The following RAE1 variants were observed in gnomAD, a reference collection of about 807,000 sequenced individuals.
RAE1 encodes mRNA export factor RAE1.
In RAE1, 13 loss-of-function variants were observed where a neutral mutation model predicts 52.7. The observed-to-expected ratio is 0.25, with a 90% confidence interval of 0.16 to 0.39. The LOEUF (loss-of-function observed/expected upper bound fraction) is 0.39, where lower values mean the gene tolerates loss of function less well. Ranked by LOEUF, RAE1 falls within the 10% of genes least tolerant of loss-of-function variation. The pLI, the probability that RAE1 is intolerant of heterozygous loss-of-function variation, is 1.00. For missense variants in RAE1, 262 were observed against 459.8 expected (o/e 0.57, Z 3.93); for synonymous variants, 164 against 153.1 (o/e 1.07, Z -0.52).
chr20:57,366,343 T>C (rs911384508), intron 5 of RAE1, among the ~76,000 whole-genome samples: 1 of 152,184 alleles, frequency 6.6e-6, no homozygotes, highest in African/African-American at 2.4e-5. Context: ...AAAAGAAATT[T>C]AGTTTGCTCA....
chr20:57,351,339 C>A lies in RAE1; in HGVS notation c.-91C>A, dbSNP rs1169429719. ...GATTTCTGTCCGCGCTCCTGGCCCT[C>A]GTCCTTCGCGCCAGAGCAGGTTCGC... On this transcript the variant is annotated 5_prime_UTR_variant, in exon 1 of 12. Coordinates refer to ENST00000395841, the MANE Select transcript of RAE1 (RefSeq NM_003610.4). 2.0e-6 allele frequency: 2 copies of A among 985,312 alleles called. No homozygotes were observed. Among genetic ancestry groups the A allele is most frequent in the African/African-American group, 1.7e-5 (1 of 57,224 alleles). The allele number at this position is 985,312 out of a possible 1,614,324, so 61.0% of individuals were successfully genotyped here.
chr20:57,354,169 G>A, intron 2 of RAE1, 41 bp downstream of exon 2: 11 of 1,569,382 alleles, frequency 7.0e-6, no homozygotes, highest in Non-Finnish European at 7.9e-6. Flanking sequence ...GAAGAGTTTG[G>A]GCAGAGTTTC....
intron 8 of RAE1, chr20:57,371,002 A>G (rs2067028066): frequency 6.6e-6 from 1 of 152,094 alleles, no homozygotes; most frequent in African/African-American, 2.4e-5. Flanking sequence ...CCTGATTGGA[A>G]CTTTCCCTCT....
intron 8 of RAE1, among the ~76,000 whole-genome samples, chr20:57,370,447 G>A (rs1294214967): frequency 6.6e-6 from 1 of 152,148 alleles, no homozygotes; most frequent in Non-Finnish European, 1.5e-5. Context: ...ATCTCCCTAA[G>A]CCGCTGCCTC....
intron 1 of RAE1, 148 bp from the exon 2 acceptor site, chr20:57,353,884 C>T: frequency 1.6e-6 from 1 of 609,140 alleles, no homozygotes; most frequent in Non-Finnish European, 2.9e-6. Context: ...GTTTTGAAAG[C>T]ACTCTGCTCA....
rs1306764268 is a variant in RAE1, at chr20:57,353,928, C to CA, written c.-7-102dup. 29 of 1,014,550 alleles carry CA rather than the reference C, an allele frequency of 2.9e-5. No homozygotes were observed. In the African/African-American group the frequency reaches 4.5e-4, roughly 16 times the overall value. The allele number at this position is 1,014,550 out of a possible 1,614,324, so 62.8% of individuals were successfully genotyped here. A position where few individuals can be genotyped will look rare whatever the true frequency, so the allele number is the denominator to read the frequency against. ...TTGTCTGAAAAGTGAAGCCTGGCCT[C>CA]AAGCCACTTTGAGTATTTCTCTTCT... On this transcript the variant is annotated intron_variant, in intron 1 of 11. Coordinates refer to ENST00000395841, the MANE Select transcript of RAE1 (RefSeq NM_003610.4).
In RAE1 at chr20:57,376,838, C is replaced by T. The variant is rs559710094; in HGVS notation, c.1021-1175C>T. On this transcript the variant is annotated intron_variant, in intron 11 of 11. Coordinates refer to ENST00000395841, the MANE Select transcript of RAE1 (RefSeq NM_003610.4). ...ATGACGCGGGACTCTATACGTTATA[C>T]GCGTTAAAAAATGTAGTAAATTGAA... Among the ~76,000 whole-genome samples, 124 of 152,282 alleles carry T rather than the reference C, an allele frequency of 8.1e-4. 1 individual carries two copies. The highest frequency in any genetic ancestry group is 1.5e-3 in the Non-Finnish European group (101 of 68,030).
In RAE1 at chr20:57,367,108, A is replaced by G. The variant is rs778155389; in HGVS notation, c.534+29A>G. 8.0e-6 allele frequency: 12 copies of G among 1,497,516 alleles called. No homozygotes were observed. The Admixed American group carries it at 2.4e-4, about 31-fold the overall frequency. 92.8% of individuals were successfully genotyped at this position (1,497,516 alleles called of 1,614,324 possible). A position where few individuals can be genotyped will look rare whatever the true frequency, so the allele number is the denominator to read the frequency against. On this transcript the variant is annotated intron_variant, in intron 7 of 11. Transcript: ENST00000395841. ...AGGGATTTCAACTTAATATGTATTT[A>G]CTTTAAAAAAAAAACAAAATAAGTA...
chr20:57,365,245 A>G, intron 4 of RAE1, 111 bp from the exon 5 acceptor site: 3 of 693,054 alleles, frequency 4.3e-6, no homozygotes, highest in Non-Finnish European at 6.9e-6. Context: ...CAATTGGAAA[A>G]ATAAAGATTG....
At chr20:57,363,478 A>C (rs1200432089) in intron 4 of RAE1, among the ~76,000 whole-genome samples, 1 of 152,162 alleles carries the variant, frequency 6.6e-6, no homozygotes, top group Non-Finnish European at 1.5e-5. Context: ...ACACCACTGC[A>C]TTCCAGCCTG....
rs1252695889 is a variant in RAE1, at chr20:57,378,017, A to G, written c.1025A>G (p.His342Arg). 1.9e-6 allele frequency: 3 copies of G among 1,609,062 alleles called. No individual in the cohort carries two copies. Among genetic ancestry groups the G allele is most frequent in the South Asian group, 2.2e-5 (2 of 90,838 alleles). ...GGTGTTTTTTGCTCTCTTTAGGGACATGAATTTTATAATCCCCAGAAAAAA... is the reference window on the plus strand; with the variant it reads ...GGTGTTTTTTGCTCTCTTTAGGGACGTGAATTTTATAATCCCCAGAAAAAA... The part of the protein sequence containing the change: ...YASSYDWSKG[H>R]EFYNPQKKNY... Residue 342 changes from histidine to arginine, a missense_variant, in exon 12 of 12, where the codon CAT becomes CGT. His to Arg is a conservative substitution (Grantham distance 29, BLOSUM62 0). Coordinates refer to ENST00000395841, the MANE Select transcript of RAE1 (RefSeq NM_003610.4).
At chr20:57,377,956 A>G in intron 11 of RAE1, 57 bp from the exon 12 acceptor site, 2 of 1,369,472 alleles carry the variant, frequency 1.5e-6, no homozygotes, top group Admixed American at 1.9e-5. Context: ...AAAAGCACCT[A>G]CAAATGCTAA....
Position 57,373,658 on chromosome 20 carries a change from T to C in RAE1, c.750-5T>C. 6.2e-7 allele frequency: 1 copy of C among 1,614,028 alleles called. No homozygotes were observed. The highest frequency in any genetic ancestry group is 8.5e-7 in the Non-Finnish European group (1 of 1,179,862). The stretch of plus-strand genomic sequence containing the variant: ...GGAAGACTTACATGAACCTTTGTCT[T>C]TCAGCGCCAAAGATAACTTCACCTT... On this transcript the variant is annotated splice_polypyrimidine_tract_variant and splice_region_variant and intron_variant, in intron 9 of 11. Coordinates refer to ENST00000395841, the MANE Select transcript of RAE1 (RefSeq NM_003610.4).
intron 7 of RAE1, among the ~76,000 whole-genome samples, chr20:57,367,898 G>A (rs1276830255): frequency 6.6e-6 from 1 of 151,624 alleles, no homozygotes; most frequent in Non-Finnish European, 1.5e-5. Flanking sequence ...TTTTTTGTTT[G>A]TTTGGTTTTT....
At chr20:57,368,055 A>G (rs533912542) in intron 7 of RAE1, among the ~76,000 whole-genome samples, 1 of 152,214 alleles carries the variant, frequency 6.6e-6, no homozygotes, top group East Asian at 1.9e-4. Flanking sequence ...GGCCCAGCTA[A>G]TTTTTATACT....
intron 4 of RAE1, 134 bp from the exon 5 acceptor site, chr20:57,365,222 A>C: frequency 1.8e-6 from 1 of 563,198 alleles, no homozygotes; most frequent in East Asian, 3.1e-5. Flanking sequence ...TTTGCAGTAC[A>C]CTGGTCCCCA....
At chr20:57,360,928 G>A (rs1568783480) in intron 4 of RAE1, among the ~76,000 whole-genome samples, 1 of 152,118 alleles carries the variant, frequency 6.6e-6, no homozygotes, top group African/African-American at 2.4e-5. Flanking sequence ...CACTGGGGTA[G>A]GGGTGTTTGC....
chr20:57,369,003 AAT>A (rs2066996915), intron 8 of RAE1, among the ~76,000 whole-genome samples, 191 bp downstream of exon 8: 1 of 152,192 alleles, frequency 6.6e-6, no homozygotes, highest in African/African-American at 2.4e-5. Context: ...GGATGAACTG[AAT>A]TTATGTCTTC....
At position 57,374,810 on chromosome 20, in the gene RAE1, T is replaced by C. The variant is rs1217022301; in HGVS notation, c.1020+9T>C. On this transcript the variant is annotated intron_variant, in intron 11 of 11. Coordinates refer to ENST00000395841, the MANE Select transcript of RAE1 (RefSeq NM_003610.4). ...GCTACGACTGGTCAAAGGTGAGAAC[T>C]CCCGGGCCTGCTCTGGGTGCTCCAA... 7.4e-6 allele frequency: 12 copies of C among 1,614,034 alleles called. No homozygotes were observed. The highest frequency in any genetic ancestry group is 1.0e-5 in the Non-Finnish European group (12 of 1,180,024).
Sources: gnomAD v4.1 joint callset for allele counts (sites outside exome capture counted in the v4.1 genomes callset) on GRCh38, gnomAD v4.1.1 for gene constraint, MANE v1.5 for transcripts, NCBI Gene and HGNC (gene_info 2026-07-23, HGNC 2026-07-21) for gene names.